The following FTO variants were observed in gnomAD, a reference collection of about 807,000 sequenced individuals.
FTO encodes FTO alpha-ketoglutarate dependent dioxygenase.
A neutral mutation model predicts 63.9 loss-of-function variants in FTO; 47 were observed. The observed-to-expected ratio is 0.74, with a 90% CI of 0.58 to 0.94. The LOEUF (loss-of-function observed/expected upper bound fraction) is 0.94, where lower values mean the gene tolerates loss of function less well. Among genes scored for constraint, FTO ranks in the 40% least tolerant of loss-of-function variants. The pLI is 0.00. For synonymous variants in FTO, 207 were observed against 224.4 expected (o/e 0.92, Z 0.69); for missense variants, 562 against 618.1 (o/e 0.91, Z 0.96).
At chr16:53,790,212 C>CG (rs2077871975) in intron 1 of FTO, among the ~76,000 whole-genome samples, 1 of 151,812 alleles carries the variant, frequency 6.6e-6, no homozygotes, top group Non-Finnish European at 1.5e-5. Flanking sequence ...GAACCCATCA[C>CG]CACTATCCAT....
chr16:53,959,119 G>T (rs551665046), intron 8 of FTO, among the ~76,000 whole-genome samples: 6 of 152,314 alleles, frequency 3.9e-5, no homozygotes, highest in Middle Eastern at 3.4e-3. Flanking sequence ...TGGTAGGTAT[G>T]TTTATTATCT....
At chr16:53,980,612 G>A (rs1187946966) in intron 8 of FTO, among the ~76,000 whole-genome samples, 1 of 152,110 alleles carries the variant, frequency 6.6e-6, no homozygotes, top group Non-Finnish European at 1.5e-5. Context: ...TTCCAACCAG[G>A]TTAGGATCCA....
At chr16:53,788,602 C>CAA (rs530568312) in intron 1 of FTO, among the ~76,000 whole-genome samples, 41 of 100,144 alleles carry the variant, frequency 4.1e-4, no homozygotes, top group South Asian at 2.5e-3. Context: ...GACTCTGTCT[C>CAA]AAAAAAAAAA....
chr16:53,857,888 C>G (rs1354363186), intron 4 of FTO, among the ~76,000 whole-genome samples: 7 of 152,134 alleles, frequency 4.6e-5, no homozygotes, highest in Non-Finnish European at 1.0e-4. Context: ...AAGTGCTATT[C>G]TGACATCTTG....
intron 8 of FTO, among the ~76,000 whole-genome samples, chr16:53,983,480 C>G (rs1340433670): frequency 6.6e-6 from 1 of 152,078 alleles, no homozygotes; most frequent in African/African-American, 2.4e-5. Flanking sequence ...CTGACTTTCT[C>G]AGTGGAGTGG....
At chr16:53,709,771 C>T (rs1390512757) in intron 1 of FTO, among the ~76,000 whole-genome samples, 1 of 152,154 alleles carries the variant, frequency 6.6e-6, no homozygotes, top group East Asian at 1.9e-4. Flanking sequence ...CCATATATAT[C>T]CACATGAACA....
chr16:53,890,138 A>G (rs779395929), intron 7 of FTO, among the ~76,000 whole-genome samples: 5 of 152,216 alleles, frequency 3.3e-5, no homozygotes, highest in Non-Finnish European at 5.9e-5. Context: ...GAAAAGTGGT[A>G]AAAGCCTGCA....
At chr16:53,825,562 G>A (rs1267160958) in intron 2 of FTO, among the ~76,000 whole-genome samples, 1 of 152,136 alleles carries the variant, frequency 6.6e-6, no homozygotes, top group Admixed American at 6.5e-5. Context: ...TTGAGATTTA[G>A]GGTGAGAAAA....
At position 53,878,796 on chromosome 16, in the gene FTO, G is replaced by A. The variant is rs1019187226; in HGVS notation, c.976-1048G>A. Reference sequence around the variant, plus strand: ...AGTTTGTCCATTTGACCTCTGTTTTGCTCCCACGGACTCAGAGAGGGATGA... The same window carrying A: ...AGTTTGTCCATTTGACCTCTGTTTTACTCCCACGGACTCAGAGAGGGATGA... On this transcript the variant is annotated intron_variant, in intron 5 of 8. Coordinates refer to ENST00000471389, the MANE Select transcript of FTO (RefSeq NM_001080432.3). Among the ~76,000 whole-genome samples, 6 of 152,212 alleles carry A rather than the reference G, an allele frequency of 3.9e-5. 1 individual carries two copies. In the South Asian group the frequency reaches 1.0e-3, roughly 26 times the overall value.
intron 8 of FTO, among the ~76,000 whole-genome samples, chr16:54,085,092 A>G (rs2144527373): frequency 6.6e-6 from 1 of 152,298 alleles, no homozygotes; most frequent in South Asian, 2.1e-4. Context: ...TGTCAACGCT[A>G]TTGATTAGTT....
intron 1 of FTO, among the ~76,000 whole-genome samples, chr16:53,738,870 T>C (rs1284554481): frequency 6.6e-6 from 1 of 152,172 alleles, no homozygotes; most frequent in Non-Finnish European, 1.5e-5. Context: ...AGATAGGGTC[T>C]CACTCTGTCA....
At chr16:53,968,598 G>A (rs1326192859) in intron 8 of FTO, among the ~76,000 whole-genome samples, 8 of 152,106 alleles carry the variant, frequency 5.3e-5, no homozygotes, top group African/African-American at 1.2e-4. Context: ...TAACACTCTC[G>A]GACAAGAAGT....
chr16:54,098,993 G>T (rs1375230086), intron 8 of FTO, among the ~76,000 whole-genome samples: 1 of 152,182 alleles, frequency 6.6e-6, no homozygotes, highest in African/African-American at 2.4e-5. Flanking sequence ...ACTGTCCCAT[G>T]CAAACGTTAC....
chr16:53,737,404 T>A (rs764685324), intron 1 of FTO, among the ~76,000 whole-genome samples: 1 of 152,200 alleles, frequency 6.6e-6, no homozygotes, highest in Non-Finnish European at 1.5e-5. Flanking sequence ...TATTCTCTAC[T>A]GCATCAGTAC....
chr16:53,926,562 G>A (rs973229177), intron 7 of FTO, among the ~76,000 whole-genome samples: 4 of 152,210 alleles, frequency 2.6e-5, no homozygotes, highest in African/African-American at 7.2e-5. Flanking sequence ...AATGGAGTAC[G>A]ACATGGTGGT....
intron 8 of FTO, among the ~76,000 whole-genome samples, chr16:53,946,732 A>G (rs2082658839): frequency 6.6e-6 from 1 of 152,174 alleles, no homozygotes; most frequent in South Asian, 2.1e-4. Flanking sequence ...CAGCCATTGT[A>G]TCTGTCCAGG....
intron 6 of FTO, among the ~76,000 whole-genome samples, chr16:53,885,032 A>C (rs1188115571): frequency 6.6e-6 from 1 of 152,182 alleles, no homozygotes; most frequent in Non-Finnish European, 1.5e-5. Flanking sequence ...AGAAGGGAGG[A>C]AGACCCAACT....
intron 3 of FTO, among the ~76,000 whole-genome samples, chr16:53,840,247 C>T (rs964128661): frequency 2.0e-5 from 3 of 151,914 alleles, no homozygotes; most frequent in Admixed American, 6.6e-5. Context: ...CATTAGTGCC[C>T]CCCTAGAATG....
At chr16:53,909,116 C>T (rs939183758) in intron 7 of FTO, among the ~76,000 whole-genome samples, 1 of 152,174 alleles carries the variant, frequency 6.6e-6, no homozygotes, top group African/African-American at 2.4e-5. Context: ...TTGTTCCATC[C>T]TCTTCCAGTA....
Sources: gnomAD v4.1 joint callset for allele counts (sites outside exome capture counted in the v4.1 genomes callset) on GRCh38, gnomAD v4.1.1 for gene constraint, MANE v1.5 for transcripts, NCBI Gene and HGNC (gene_info 2026-07-23, HGNC 2026-07-21) for gene names.